The following ARHGAP42 variants were observed in gnomAD, a reference collection of about 807,000 sequenced individuals.
ARHGAP42 encodes the protein Rho GTPase activating protein 42.
A neutral mutation model predicts 125.0 loss-of-function variants in ARHGAP42; 63 were observed. The observed-to-expected ratio is 0.50, with a 90% CI of 0.41 to 0.62. The LOEUF (loss-of-function observed/expected upper bound fraction) is 0.62. ARHGAP42 is among the 20% of genes least tolerant of loss of function. The probability of loss-of-function intolerance (pLI) is 0.00; values close to 1 mark genes in which losing one functional copy is unlikely to be tolerated. For synonymous variants in ARHGAP42, 339 were observed against 351.0 expected (o/e 0.97, Z 0.38); for missense variants, 766 against 1,024.2 (o/e 0.75, Z 3.44).
chr11:100,916,065 C>T (rs1867054276), intron 5 of ARHGAP42, among the ~76,000 whole-genome samples: 1 of 152,092 alleles, frequency 6.6e-6, no homozygotes, highest in African/African-American at 2.4e-5. Context: ...TCATTTTGTT[C>T]ATGAAAAATA....
Position 100,797,173 on chromosome 11 carries a change from A to C in ARHGAP42, c.312+2007A>C, listed in dbSNP as rs536809294. 9.4e-4 allele frequency among the ~76,000 whole-genome samples: 143 copies of C among 152,346 alleles called. 2 individuals are homozygous for C. Among genetic ancestry groups the C allele is most frequent in the African/African-American group, 3.3e-3 (137 of 41,582 alleles). ...ATAAGGTTTAAGGAAAGAAGCCATCACTATAACATAAAAATGCAAGATGAA... is the reference window on the plus strand; with the variant it reads ...ATAAGGTTTAAGGAAAGAAGCCATCCCTATAACATAAAAATGCAAGATGAA... On this transcript the variant is annotated intron_variant, in intron 3 of 23. Coordinates refer to ENST00000298815, the MANE Select transcript of ARHGAP42 (RefSeq NM_152432.4).
chr11:100,842,918 A>T (rs1864975242), intron 3 of ARHGAP42, among the ~76,000 whole-genome samples: 1 of 152,128 alleles, frequency 6.6e-6, no homozygotes, highest in African/African-American at 2.4e-5. Context: ...GAACTAGAGA[A>T]ACAAGAAAAA....
intron 3 of ARHGAP42, among the ~76,000 whole-genome samples, chr11:100,851,736 C>A (rs2135128550): frequency 6.6e-6 from 1 of 152,334 alleles, no homozygotes; most frequent in South Asian, 2.1e-4. Context: ...ATCCATTTCT[C>A]AGAACACATG....
At chr11:100,759,742 A>G (rs373727552) in intron 1 of ARHGAP42, among the ~76,000 whole-genome samples, 1 of 152,240 alleles carries the variant, frequency 6.6e-6, no homozygotes, top group South Asian at 2.1e-4. Context: ...GCTGCCTCAG[A>G]GGAAATATCA....
intron 3 of ARHGAP42, among the ~76,000 whole-genome samples, chr11:100,803,742 C>G (rs887523648): frequency 6.6e-6 from 1 of 152,154 alleles, no homozygotes; most frequent in Non-Finnish European, 1.5e-5. Flanking sequence ...CTAGTATAGT[C>G]CCTGACCTTG....
intron 1 of ARHGAP42, among the ~76,000 whole-genome samples, chr11:100,748,970 C>G (rs1462189473): frequency 6.6e-6 from 1 of 152,042 alleles, no homozygotes; most frequent in Non-Finnish European, 1.5e-5. Context: ...CCCTCTTTGT[C>G]TCTCTGTCTC....
intron 3 of ARHGAP42, among the ~76,000 whole-genome samples, chr11:100,832,610 A>C (rs1864688765): frequency 6.6e-6 from 1 of 152,194 alleles, no homozygotes; most frequent in South Asian, 2.1e-4. Context: ...CTCAGTTAAG[A>C]GTGTGTTTAC....
At chr11:100,843,293 A>C (rs117008781) in intron 3 of ARHGAP42, among the ~76,000 whole-genome samples, 1 of 152,088 alleles carries the variant, frequency 6.6e-6, no homozygotes, top group Non-Finnish European at 1.5e-5. Context: ...AAACAGACCA[A>C]TAACAAGGAG....
intron 3 of ARHGAP42, among the ~76,000 whole-genome samples, chr11:100,849,751 CTG>C (rs917787762): frequency 2.6e-5 from 4 of 152,012 alleles, no homozygotes; most frequent in African/African-American, 9.7e-5. Context: ...TAAAGATATA[CTG>C]TGTGTGTGTA....
chr11:100,945,837 T>G (rs1868000396), intron 10 of ARHGAP42, among the ~76,000 whole-genome samples: 1 of 152,086 alleles, frequency 6.6e-6, no homozygotes, highest in Non-Finnish European at 1.5e-5. Context: ...CAGAATGATA[T>G]ATGAACATTG....
chr11:100,710,837 C>A (rs987183579), intron 1 of ARHGAP42, among the ~76,000 whole-genome samples: 1 of 152,140 alleles, frequency 6.6e-6, no homozygotes, highest in Admixed American at 6.5e-5. Context: ...CTGTGTGCAA[C>A]CAGGAGTTTC....
Position 100,974,602 on chromosome 11 carries a change from T to C in ARHGAP42, c.1854T>C (p.Asp618=), listed in dbSNP as rs375723100. The change falls in exon 19 of 24, where the codon GAT becomes GAC. Residue 618 remains aspartate, a splice_region_variant and synonymous_variant. Coordinates refer to ENST00000298815, the MANE Select transcript of ARHGAP42 (RefSeq NM_152432.4). ...GRYTPCLAEP[D]SDSYSSSPDS... is the part of the protein sequence containing the mutation. Reference sequence around the variant, plus strand: ...ATACTCCATGCCTGGCCGAACCTGATAGTAAGTGCACCCGGCCTTAGGGAG... The same window carrying C: ...ATACTCCATGCCTGGCCGAACCTGACAGTAAGTGCACCCGGCCTTAGGGAG... 4.7e-5 allele frequency: 73 copies of C among 1,549,590 alleles called. No homozygotes were observed. Among genetic ancestry groups the C allele is most frequent in the Non-Finnish European group, 5.9e-5 (68 of 1,145,868 alleles).
chr11:100,953,250 A>G (rs1171236587), intron 12 of ARHGAP42, among the ~76,000 whole-genome samples: 1 of 152,052 alleles, frequency 6.6e-6, no homozygotes, highest in African/African-American at 2.4e-5. Context: ...CTCACCGGCC[A>G]CTTCGAAGAG....
At chr11:100,876,936 T>C (rs1340647992) in intron 4 of ARHGAP42, among the ~76,000 whole-genome samples, 1 of 152,206 alleles carries the variant, frequency 6.6e-6, no homozygotes, top group Admixed American at 6.5e-5. Flanking sequence ...AAGAGCCTGG[T>C]GATTTACAGA....
chr11:100,714,443 G>T (rs1861619746), intron 1 of ARHGAP42, among the ~76,000 whole-genome samples: 1 of 151,770 alleles, frequency 6.6e-6, no homozygotes, highest in Admixed American at 6.6e-5. Flanking sequence ...CTTCAGTGCT[G>T]TTGGAAGCAG....
At chr11:100,988,005 G>A (rs1858729364) in intron 23 of ARHGAP42, among the ~76,000 whole-genome samples, 2 of 152,062 alleles carry the variant, frequency 1.3e-5, no homozygotes, top group Non-Finnish European at 2.9e-5. Context: ...GTGTGCACCT[G>A]TAGTCCTAGC....
chr11:100,756,286 T>A (rs1862576431), intron 1 of ARHGAP42, among the ~76,000 whole-genome samples: 1 of 148,966 alleles, frequency 6.7e-6, no homozygotes, highest in Non-Finnish European at 1.5e-5. Context: ...TAGTCCTAGC[T>A]ACTCTGTAGG....
chr11:100,701,082 G>A (rs538797223), intron 1 of ARHGAP42, among the ~76,000 whole-genome samples: 41 of 151,904 alleles, frequency 2.7e-4, no homozygotes, highest in Non-Finnish European at 5.0e-4. Context: ...TTTATACATC[G>A]CCATCATAGC....
At chr11:100,696,373 A>G (rs1326163896) in intron 1 of ARHGAP42, among the ~76,000 whole-genome samples, 4 of 151,886 alleles carry the variant, frequency 2.6e-5, no homozygotes, top group African/African-American at 4.8e-5. Context: ...TTTTTTTTGA[A>G]GCAGACTTTC....
Sources: allele counts gnomAD v4.1 joint callset (sites outside exome capture counted in the v4.1 genomes callset), GRCh38; gene constraint gnomAD v4.1.1; transcripts MANE v1.5; gene names NCBI Gene and HGNC (gene_info 2026-07-23, HGNC 2026-07-21).